Variants in PSORS1C1 observed in about 807,000 individuals in gnomAD.
PSORS1C1 encodes psoriasis susceptibility 1 candidate 1, also known as psoriasis susceptibility 1 candidate gene 1 protein.
A neutral mutation model predicts 9.4 loss-of-function variants in PSORS1C1; 7 were observed. The ratio of observed to expected loss-of-function variants is 0.75; its 90% CI spans 0.42 to 1.40. The LOEUF (loss-of-function observed/expected upper bound fraction) is 1.40. PSORS1C1 is among the 40% of genes most tolerant of loss of function. The pLI is 0.01. For synonymous variants in PSORS1C1, 63 were observed against 69.4 expected (o/e 0.91, Z 0.46); for missense variants, 146 against 178.1 (o/e 0.82, Z 1.02).
At chr6:31,138,095 CGTTCTAGGCG>C (rs1561775824) in intron 3 of PSORS1C1, 5 of 1,586,126 alleles carry the variant, frequency 3.2e-6, no homozygotes. Context: ...GAGGAGGATC[CGTTCTAGGCG>C]GTTCAGGGAG....
In PSORS1C1 at chr6:31,139,834, T is replaced by G. The variant is rs1270077800; in HGVS notation, c.361T>G (p.Ser121Ala). 6.2e-7 allele frequency: 1 copy of G among 1,613,030 alleles called. No individual in the cohort carries two copies. Reference sequence around the variant, plus strand: ...GCAACCTCAGCCCCTTCCTCCTCCCTCAGGAATCCACCTATCCGCCTCTAG... The same window carrying G: ...GCAACCTCAGCCCCTTCCTCCTCCCGCAGGAATCCACCTATCCGCCTCTAG... ...LQQPQPLPPP[S>A]GIHLSASRTL... is the part of the protein sequence containing the mutation. The change falls in exon 6 of 6, where the codon TCA becomes GCA. Residue 121 changes from serine (S) to alanine (A), a missense_variant. Physicochemically the swap from Ser to Ala is moderately conservative, Grantham distance 99. Transcript: ENST00000259881. The surrounding 1 kb of genome is among the most constrained non-coding windows in gnomAD (Gnocchi z 5.2).
intron 3 of PSORS1C1, among the ~76,000 whole-genome samples, chr6:31,134,587 G>A (rs1216372892): frequency 2.0e-5 from 3 of 152,186 alleles, no homozygotes; most frequent in Admixed American, 6.5e-5. Flanking sequence ...TTACAGGCGT[G>A]AGCCACCGCG....
At chr6:31,134,342 GC>G (rs1202193446) in intron 3 of PSORS1C1, among the ~76,000 whole-genome samples, 9 of 150,758 alleles carry the variant, frequency 6.0e-5, no homozygotes, top group Admixed American at 2.6e-4. Flanking sequence ...TCGCTCTGTC[GC>G]CCAGGCTGGA....
At chr6:31,131,936 A>G (rs1482120843) in intron 3 of PSORS1C1, among the ~76,000 whole-genome samples, 1 of 152,248 alleles carries the variant, frequency 6.6e-6, no homozygotes, top group Non-Finnish European at 1.5e-5. Context: ...AGATTCAAGT[A>G]AAAGAGATTT....
intron 1 of PSORS1C1, chr6:31,117,707 G>T: frequency 1.6e-6 from 1 of 619,402 alleles, no homozygotes; most frequent in South Asian, 1.9e-5. Flanking sequence ...TGAGGTGGCC[G>T]AATAAAGGCA....
At chr6:31,127,816 A>G (rs1304183200) in intron 2 of PSORS1C1, among the ~76,000 whole-genome samples, 1 of 143,180 alleles carries the variant, frequency 7.0e-6, no homozygotes, top group African/African-American at 2.7e-5. Flanking sequence ...CTCTGTCTCA[A>G]AAAAACACAC....
At chr6:31,136,954 G>A (rs1006462684) in intron 3 of PSORS1C1, among the ~76,000 whole-genome samples, 2 of 146,224 alleles carry the variant, frequency 1.4e-5, no homozygotes, top group Non-Finnish European at 3.0e-5. Context: ...TTCGAGACCA[G>A]CCTGGCCAAC....
At chr6:31,132,295 G>A (rs1469225555) in intron 3 of PSORS1C1, among the ~76,000 whole-genome samples, 1 of 152,188 alleles carries the variant, frequency 6.6e-6, no homozygotes, top group Non-Finnish European at 1.5e-5. Context: ...GCCAAGGCGG[G>A]CAGATCACCT....
chr6:31,117,153 A>G (rs767008527), intron 1 of PSORS1C1: 11 of 1,606,674 alleles, frequency 6.8e-6, no homozygotes, highest in Admixed American at 1.7e-5. Flanking sequence ...TGCTGCTCGA[A>G]TGAGAGCTGC....
chr6:31,138,362 C>T, intron 3 of PSORS1C1, 68 bp from the exon 4 acceptor site: 1 of 1,595,134 alleles, frequency 6.3e-7, no homozygotes, highest in Non-Finnish European at 8.6e-7. Context: ...TCCCCAGCCC[C>T]ACCCAGCCCC....
chr6:31,125,579 T>C (rs3095301), intron 1 of PSORS1C1, 97 bp from the exon 2 acceptor site: 75,166 of 152,152 alleles, frequency 0.49, 19,232 homozygotes, highest in East Asian at 0.63. Context: ...CAGGTGCTCC[T>C]ATGGGACTGG....
chr6:31,116,343 G>T, intron 1 of PSORS1C1: 1 of 1,613,512 alleles, frequency 6.2e-7, no homozygotes, highest in South Asian at 1.1e-5. Context: ...TGCCTGGTGG[G>T]GAGCAGGGGC....
chr6:31,124,933 A>C (rs574097379), intron 1 of PSORS1C1, among the ~76,000 whole-genome samples: 1 of 151,748 alleles, frequency 6.6e-6, no homozygotes, highest in East Asian at 2.0e-4. Flanking sequence ...ATGCCACTGC[A>C]CTCCAGCCTG....
intron 3 of PSORS1C1, among the ~76,000 whole-genome samples, chr6:31,132,839 A>T (rs1430900619): frequency 6.8e-6 from 1 of 148,118 alleles, no homozygotes; most frequent in Non-Finnish European, 1.5e-5. Context: ...ACAGAGTGAG[A>T]CCCTGTCTTA....
rs1773323663 is a variant in PSORS1C1, at chr6:31,139,234, A to C, written c.168-407A>C. ...CCTTATTTTAGTCCTCCAGCCCAGG[A>C]CCCAGCTGCCTGCTCTCCCTATCAT... On this transcript the variant is annotated intron_variant, in intron 5 of 5. Coordinates refer to ENST00000259881, the MANE Select transcript of PSORS1C1 (RefSeq NM_014068.3). The surrounding 1 kb of genome is among the most constrained non-coding windows in gnomAD (Gnocchi z 5.2). 4 of 589,794 alleles carry C rather than the reference A, an allele frequency of 6.8e-6. No homozygotes were observed. In the South Asian group the frequency reaches 8.5e-5, roughly 13 times the overall value. 36.5% of individuals were successfully genotyped at this position (589,794 alleles called of 1,614,324 possible).
In PSORS1C1 at chr6:31,116,425, C is replaced by T. The variant is rs757112271; in HGVS notation, c.-229+1534C>T. The T allele has an allele frequency of 7.5e-6, 12 of 1,590,436 alleles. 1 individual carries two copies. The South Asian group carries it at 9.0e-5, about 12-fold the overall frequency. On this transcript the variant is annotated intron_variant, in intron 1 of 5. Coordinates refer to ENST00000259881, the MANE Select transcript of PSORS1C1 (RefSeq NM_014068.3). ...GGAAATGCTAGAACTGCTGGGGACTCGAGAACTGGAGGGAGAGCAGGGTCC... is the reference window on the plus strand; with the variant it reads ...GGAAATGCTAGAACTGCTGGGGACTTGAGAACTGGAGGGAGAGCAGGGTCC...
At chr6:31,122,422 C>G (rs1772502181) in intron 1 of PSORS1C1, among the ~76,000 whole-genome samples, 2 of 152,182 alleles carry the variant, frequency 1.3e-5, no homozygotes, top group Non-Finnish European at 2.9e-5. Context: ...GTGTCTTCTG[C>G]TCCCTTCCTG....
intron 1 of PSORS1C1, among the ~76,000 whole-genome samples, chr6:31,121,943 G>A (rs1772482989): frequency 2.6e-5 from 4 of 152,228 alleles, no homozygotes; most frequent in Non-Finnish European, 5.9e-5. Flanking sequence ...TCTTGCTCTT[G>A]ACTTGCTAGT....
At chr6:31,116,614 G>A in intron 1 of PSORS1C1, 1 of 1,613,318 alleles carries the variant, frequency 6.2e-7, no homozygotes, top group Non-Finnish European at 8.5e-7. Context: ...AGGGACCCCT[G>A]GAGAGCCTTT....
Sources: gnomAD v4.1 joint callset for allele counts (sites outside exome capture counted in the v4.1 genomes callset) on GRCh38, gnomAD v4.1.1 for gene constraint, Gnocchi (gnomAD v3.1) non-coding constraint, MANE v1.5 for transcripts, NCBI Gene and HGNC (gene_info 2026-07-23, HGNC 2026-07-21) for gene names.